CDKN2B-AS1: variants seen among roughly 807,000 people sequenced by gnomAD.
The protein encoded by CDKN2B-AS1 is CDKN2B and CDKN2A antisense cis and trans regulatory RNA 1, also known as CDKN2B antisense RNA 1 (non-protein coding).
At chr9:22,079,938 G>A (rs1032882324) in intron 4 of CDKN2B-AS1, among the ~76,000 whole-genome samples, 2 of 152,194 alleles carry the variant, frequency 1.3e-5, no homozygotes, top group African/African-American at 4.8e-5. Context: ...TGTGGTTTCG[G>A]TAGAGTCATA....
chr9:22,126,036 C>T (rs573464286), intron 4 of CDKN2B-AS1, among the ~76,000 whole-genome samples: 1 of 152,236 alleles, frequency 6.6e-6, no homozygotes, highest in Middle Eastern at 3.4e-3. Context: ...CAGCTTCCTG[C>T]GCAGTCAAGA....
At chr9:22,055,441 C>G (rs1823520458) in intron 3 of CDKN2B-AS1, among the ~76,000 whole-genome samples, 1 of 152,108 alleles carries the variant, frequency 6.6e-6, no homozygotes. Flanking sequence ...TAATGAAGAT[C>G]TGGGAGAAAA....
intron 1 of CDKN2B-AS1, among the ~76,000 whole-genome samples, chr9:22,014,593 C>G (rs1487950165): frequency 1.3e-5 from 2 of 151,704 alleles, no homozygotes; most frequent in African/African-American, 4.8e-5. Flanking sequence ...TGAGTTGAGT[C>G]CTAGAATCTT....
intron 4 of CDKN2B-AS1, among the ~76,000 whole-genome samples, chr9:22,122,178 T>A (rs72654290): frequency 6.6e-6 from 1 of 152,026 alleles, no homozygotes; most frequent in Non-Finnish European, 1.5e-5. Flanking sequence ...TTTTCATATA[T>A]TTATTGGCCA....
intron 1 of CDKN2B-AS1, among the ~76,000 whole-genome samples, chr9:22,034,672 A>C (rs1816318031): frequency 6.6e-6 from 1 of 152,146 alleles, no homozygotes; most frequent in Admixed American, 6.6e-5. Context: ...ACTACAGTGT[A>C]GAGGTTGGCA....
intron 1 of CDKN2B-AS1, chr9:22,008,566 G>C (rs1267638661): frequency 2.3e-5 from 27 of 1,170,646 alleles, no homozygotes; most frequent in Non-Finnish European, 3.1e-5. Flanking sequence ...CTCTGATCAT[G>C]AGATGGCAGA....
chr9:22,009,042 C>T (rs1821351580), intron 1 of CDKN2B-AS1: 3 of 1,576,502 alleles, frequency 1.9e-6, no homozygotes, highest in South Asian at 2.2e-5. Context: ...CACGCTGCTC[C>T]GGCGCACTCT....
In CDKN2B-AS1 at chr9:22,115,540, C is replaced by A. The variant is rs138730159; in HGVS notation, n.439-11563C>A. 4.4e-3 allele frequency among the ~76,000 whole-genome samples: 677 copies of A among 152,222 alleles called. 3 individuals are homozygous for A. Among genetic ancestry groups the A allele is most frequent in the African/African-American group, 0.014 (572 of 41,528 alleles). ...AATGTGGAAAGATAGACACTTTAGC[C>A]TTTTCTTTCTTCTCAAAACTTCACA... On this transcript the variant is annotated intron_variant and non_coding_transcript_variant, in intron 4 of 4. Coordinates refer to ENST00000650946, the Ensembl canonical transcript of CDKN2B-AS1.
chr9:22,011,255 A>C (rs1264093935), intron 1 of CDKN2B-AS1, among the ~76,000 whole-genome samples: 2 of 152,226 alleles, frequency 1.3e-5, no homozygotes, highest in African/African-American at 2.4e-5. Flanking sequence ...TTCTTTGAAA[A>C]ACCAACCTGC....
At position 22,039,832 on chromosome 9, in the gene CDKN2B-AS1, G is replaced by A. The variant is rs1252953011; in HGVS notation, n.30-6919G>A. On this transcript the variant is annotated intron_variant and non_coding_transcript_variant, in intron 1 of 4. Coordinates refer to ENST00000650946, the Ensembl canonical transcript of CDKN2B-AS1. The surrounding 1 kb of genome is among the most constrained non-coding windows in gnomAD (Gnocchi z 4.4). ...CTATGCTGAAGTCCTAACTCCTAGT[G>A]CTTCAGAATGTGACCTTATTTGGAA... 6.6e-6 allele frequency among the ~76,000 whole-genome samples: 1 copy of A among 151,874 alleles called. No individual in the cohort carries two copies. Among genetic ancestry groups the A allele is most frequent in the Non-Finnish European group, 1.5e-5 (1 of 67,928 alleles).
intron 1 of CDKN2B-AS1, among the ~76,000 whole-genome samples, chr9:22,026,327 C>T (rs1026348526): frequency 5.9e-5 from 9 of 152,070 alleles, no homozygotes; most frequent in Non-Finnish European, 1.2e-4. Context: ...GTTGGGAGGT[C>T]CCGCCTGTAA....
At chr9:22,125,557 C>G (rs1402266516) in intron 4 of CDKN2B-AS1, among the ~76,000 whole-genome samples, 1 of 152,068 alleles carries the variant, frequency 6.6e-6, no homozygotes. Flanking sequence ...ACTGTGTTGA[C>G]AAAAGTATGC....
chr9:22,087,288 G>A (rs912043463), intron 4 of CDKN2B-AS1, among the ~76,000 whole-genome samples: 3 of 152,180 alleles, frequency 2.0e-5, no homozygotes, highest in Non-Finnish European at 2.9e-5. Context: ...TGAAGAGTTG[G>A]TGCTATGGAA....
rs750528782 is a variant in CDKN2B-AS1, at chr9:22,005,996, C to G, written n.29+10835C>G. 6 of 1,602,440 alleles carry G rather than the reference C, an allele frequency of 3.7e-6. No individual in the cohort carries two copies. In the Admixed American group the frequency reaches 5.0e-5, roughly 13 times the overall value. ...GCTGGGGAACCTGGCGTCAGTCCCC[C>G]GTGGCTGTGCGCAGGTACCCTGCAA... is the stretch of plus-strand genomic sequence containing the variant. On this transcript the variant is annotated intron_variant and non_coding_transcript_variant, in intron 1 of 4. Transcript: ENST00000650946. The surrounding 1 kb of genome is among the most constrained non-coding windows in gnomAD (Gnocchi z 4.9).
chr9:22,074,247 A>G (rs1372156462), intron 4 of CDKN2B-AS1, among the ~76,000 whole-genome samples: 7 of 152,200 alleles, frequency 4.6e-5, no homozygotes, highest in Non-Finnish European at 1.0e-4. Context: ...TTTCAAATGC[A>G]TGGACAATGA....
intron 4 of CDKN2B-AS1, among the ~76,000 whole-genome samples, chr9:22,077,007 T>G (rs1439226761): frequency 6.6e-6 from 1 of 152,180 alleles, no homozygotes; most frequent in Non-Finnish European, 1.5e-5. Context: ...ATATTAACTA[T>G]AGTTGGCAGG....
At chr9:22,102,264 C>A (rs1029362525) in intron 4 of CDKN2B-AS1, among the ~76,000 whole-genome samples, 1 of 152,078 alleles carries the variant, frequency 6.6e-6, no homozygotes, top group Non-Finnish European at 1.5e-5. Context: ...AGTTTTAGTA[C>A]TGAAAAATTA....
chr9:22,023,812 C>CT (rs766860250), intron 1 of CDKN2B-AS1, among the ~76,000 whole-genome samples: 15 of 152,162 alleles, frequency 9.9e-5, no homozygotes, highest in Non-Finnish European at 2.2e-4. Flanking sequence ...TGTATTCTAG[C>CT]TTTTTTATCT....
intron 3 of CDKN2B-AS1, chr9:22,056,148 C>G (rs1193357922): frequency 6.7e-6 from 1 of 149,096 alleles, no homozygotes; most frequent in Admixed American, 6.7e-5. Flanking sequence ...CTGCCTCAGC[C>G]TCCTGAGTAG....
Sources: allele counts gnomAD v4.1 joint callset (sites outside exome capture counted in the v4.1 genomes callset), GRCh38; gene constraint gnomAD v4.1.1; non-coding constraint Gnocchi (gnomAD v3.1); transcripts MANE v1.5; gene names NCBI Gene and HGNC (gene_info 2026-07-23, HGNC 2026-07-21).